Variants in DAB2IP observed in about 807,000 individuals in gnomAD.
DAB2IP encodes DAB2 interacting protein.
DAB2IP carries 28 observed loss-of-function variants against 107.2 expected under a neutral mutation model. That is an observed-to-expected ratio of 0.26 (90% CI 0.19 to 0.36). The LOEUF (loss-of-function observed/expected upper bound fraction) is 0.36. Among genes scored for constraint, DAB2IP ranks in the 10% least tolerant of loss-of-function variants. The probability of loss-of-function intolerance (pLI) is 1.00; values close to 1 mark genes in which losing one functional copy is unlikely to be tolerated. For synonymous variants in DAB2IP, 755 were observed against 706.4 expected, an observed-to-expected ratio of 1.07 and a Z score of -1.09; for missense variants, 1,400 against 1,644.7, an observed-to-expected ratio of 0.85 and a Z score of 2.57.
Position 121,639,985 on chromosome 9 carries a change from G to A in DAB2IP, c.41-38693G>A, listed in dbSNP as rs1832222546. 2.6e-5 allele frequency among the ~76,000 whole-genome samples: 4 copies of A among 152,324 alleles called. No homozygotes were observed. The South Asian group carries it at 8.3e-4, about 32-fold the overall frequency. Reference sequence around the variant, plus strand: ...AACCCACATCCCAGGGGACTGGAATGTCTCGAAGTCCAAGATCTGAAGTTC... The same window carrying A: ...AACCCACATCCCAGGGGACTGGAATATCTCGAAGTCCAAGATCTGAAGTTC... On this transcript the variant is annotated intron_variant, in intron 1 of 16. Coordinates refer to the DAB2IP transcript ENST00000259371.
At chr9:121,632,474 A>C (rs1482282979) in intron 1 of DAB2IP, among the ~76,000 whole-genome samples, 1 of 152,130 alleles carries the variant, frequency 6.6e-6, no homozygotes. Flanking sequence ...CTGAGCACAG[A>C]CCAGGTCTCC....
intron 3 of DAB2IP, among the ~76,000 whole-genome samples, chr9:121,732,033 C>T (rs1018614673): frequency 5.3e-4 from 81 of 152,240 alleles, no homozygotes; most frequent in African/African-American, 1.9e-3. Flanking sequence ...CAGAGTGGCA[C>T]TGGACTCTCT....
intron 14 of DAB2IP, among the ~76,000 whole-genome samples, chr9:121,778,745 A>G (rs1385865375): frequency 3.9e-5 from 6 of 152,228 alleles, no homozygotes; most frequent in Non-Finnish European, 7.3e-5. Flanking sequence ...TTTGTGTGAG[A>G]TGGCTATTTA....
intron 1 of DAB2IP, among the ~76,000 whole-genome samples, chr9:121,591,122 C>G (rs1189586280): frequency 6.6e-6 from 1 of 152,156 alleles, no homozygotes; most frequent in Non-Finnish European, 1.5e-5. Context: ...ATTTGAGGAT[C>G]TGGAAGTTGG....
exon 5 of DAB2IP, chr9:121,758,920 A>C: frequency 6.2e-7 from 1 of 1,613,556 alleles, no homozygotes; most frequent in Non-Finnish European, 8.5e-7. Context: ...TCAGGAAGCA[A>C]GTGCTTTTCC....
At chr9:121,650,923 C>A (rs189529581), upstream of DAB2IP, among the ~76,000 whole-genome samples, 16 of 152,238 alleles carry the variant, frequency 1.1e-4, no homozygotes, top group African/African-American at 2.9e-4. Context: ...GATGTTTAGA[C>A]GTATTGCCAT....
intron 2 of DAB2IP, among the ~76,000 whole-genome samples, chr9:121,696,491 C>T (rs1042871336): frequency 6.6e-6 from 1 of 152,208 alleles, no homozygotes; most frequent in Non-Finnish European, 1.5e-5. Context: ...AAATCAAGTC[C>T]CAGGAGCTGC....
intron 5 of DAB2IP, among the ~76,000 whole-genome samples, chr9:121,759,540 G>T (rs551023387): frequency 4.7e-4 from 72 of 152,342 alleles, no homozygotes; most frequent in African/African-American, 1.7e-3. Flanking sequence ...TATTAAGGAA[G>T]AGTTAATAAT....
intron 2 of DAB2IP, among the ~76,000 whole-genome samples, chr9:121,679,734 T>C (rs1323765608): frequency 6.6e-6 from 1 of 151,918 alleles, no homozygotes; most frequent in African/African-American, 2.4e-5. Flanking sequence ...TAGCATCATA[T>C]AGGGGCTCCA....
At chr9:121,764,031 G>C in intron 8 of DAB2IP, 152 bp downstream of exon 8, 1 of 1,103,926 alleles carries the variant, frequency 9.1e-7, no homozygotes, top group Non-Finnish European at 1.3e-6. Context: ...TCTCAGGTGG[G>C]GCAGCGTTCA....
chr9:121,671,165 A>G (rs1399972765), intron 1 of DAB2IP, among the ~76,000 whole-genome samples: 1 of 152,044 alleles, frequency 6.6e-6, no homozygotes, highest in Non-Finnish European at 1.5e-5. Context: ...AACAAAAAAC[A>G]AAACAAAACA....
chr9:121,763,446 T>G, intron 6 of DAB2IP, 59 bp from the exon 7 acceptor site: 1 of 1,556,374 alleles, frequency 6.4e-7, no homozygotes, highest in South Asian at 1.2e-5. Context: ...TCTGGAATCC[T>G]AGGGCCCTCC....
At position 121,667,142 on chromosome 9, in the gene DAB2IP, C is replaced by A. The variant is rs140319808; in HGVS notation, c.125-11536C>A. On this transcript the variant is annotated intron_variant, in intron 1 of 15. Coordinates refer to ENST00000408936, the Ensembl canonical transcript of DAB2IP. ...TTTCCTGCCTCAGCCTCCTGAGTAG[C>A]TGGGATTACAGGTGTGCACCACCAC... Among the ~76,000 whole-genome samples the A allele has an allele frequency of 7.3e-4, 110 of 151,720 alleles. No individual in the cohort carries two copies. In the Middle Eastern group the frequency reaches 0.028, roughly 38 times the overall value.
chr9:121,581,970 G>A (rs1369454527), intron 1 of DAB2IP, among the ~76,000 whole-genome samples: 1 of 152,204 alleles, frequency 6.6e-6, no homozygotes, highest in Non-Finnish European at 1.5e-5. Context: ...CAGGGCTGAG[G>A]GCCAAGCTGC....
intron 1 of DAB2IP, among the ~76,000 whole-genome samples, chr9:121,579,014 C>A (rs979821085): frequency 1.3e-5 from 2 of 152,078 alleles, no homozygotes; most frequent in African/African-American, 4.8e-5. Flanking sequence ...TCTCTTGGGG[C>A]ACCATCTTAC....
chr9:121,756,932 G>T (rs2118954618), intron 3 of DAB2IP, 81 bp from the exon 4 acceptor site: 1 of 1,596,246 alleles, frequency 6.3e-7, no homozygotes, highest in South Asian at 1.1e-5. Flanking sequence ...AAGGGGCACG[G>T]CCAGGGCAGA....
At chr9:121,751,011 C>T (rs1043628477) in intron 3 of DAB2IP, 13 of 172,026 alleles carry the variant, frequency 7.6e-5, no homozygotes, top group Non-Finnish European at 1.5e-4. Flanking sequence ...ATCCCTGTAT[C>T]CCCCGGTCCT....
chr9:121,731,987 C>G (rs1000452432), intron 3 of DAB2IP, among the ~76,000 whole-genome samples: 1 of 152,098 alleles, frequency 6.6e-6, no homozygotes, highest in African/African-American at 2.4e-5. Flanking sequence ...AGCAAGTGAC[C>G]TAGCCACAGA....
chr9:121,782,700 C>A lies in DAB2IP; in HGVS notation c.*202C>A. On this transcript the variant is annotated 3_prime_UTR_variant, in exon 16 of 16. Transcript: ENST00000408936. The surrounding 1 kb of genome is among the most constrained non-coding windows in gnomAD (Gnocchi z 6.1). ...AGCAGCGTGAGGCGAGGTCACCAGC[C>A]GCTCCCTGTGGGGTGCGGGCAGAAG... The A allele has an allele frequency of 7.0e-7, 1 of 1,419,284 alleles. No individual in the cohort carries two copies. The highest frequency in any genetic ancestry group is 9.2e-7 in the Non-Finnish European group (1 of 1,089,430). The allele number at this position is 1,419,284 out of a possible 1,614,324, so 87.9% of individuals were successfully genotyped here.
Sources: allele counts gnomAD v4.1 joint callset (sites outside exome capture counted in the v4.1 genomes callset), GRCh38; gene constraint gnomAD v4.1.1; non-coding constraint Gnocchi (gnomAD v3.1); transcripts MANE v1.5; gene names NCBI Gene and HGNC (gene_info 2026-07-23, HGNC 2026-07-21).